Variants in AP3B1 observed in about 807,000 individuals in gnomAD.
AP3B1 encodes the protein AP-3 complex subunit beta-1.
A neutral mutation model predicts 132.5 loss-of-function variants in AP3B1; 61 were observed. That is an observed-to-expected ratio of 0.46 (90% CI 0.37 to 0.57). The LOEUF (loss-of-function observed/expected upper bound fraction) is 0.57. AP3B1 is among the 20% of genes least tolerant of loss of function. AP3B1 has a pLI of 0.00. For missense variants in AP3B1, 1,120 were observed against 1,289.4 expected (o/e 0.87, Z 2.01); for synonymous variants, 388 against 438.3 (o/e 0.89, Z 1.43).
At chr5:78,146,612 C>T (rs1324007100) in intron 14 of AP3B1, among the ~76,000 whole-genome samples, 1 of 152,080 alleles carries the variant, frequency 6.6e-6, no homozygotes, top group African/African-American at 2.4e-5. Context: ...CTTTTCAACT[C>T]ATATATATTT....
At chr5:78,057,503 T>C (rs1455343580) in intron 22 of AP3B1, among the ~76,000 whole-genome samples, 5 of 152,102 alleles carry the variant, frequency 3.3e-5, no homozygotes, top group African/African-American at 9.7e-5. Flanking sequence ...TTCAGAAAAG[T>C]GTCCCTTCAT....
chr5:78,032,534 C>T (rs1366890438), intron 24 of AP3B1, among the ~76,000 whole-genome samples: 1 of 152,122 alleles, frequency 6.6e-6, no homozygotes, highest in African/African-American at 2.4e-5. Flanking sequence ...TCCCTACCCC[C>T]ACAAGCATTA....
intron 22 of AP3B1, among the ~76,000 whole-genome samples, chr5:78,058,094 TA>T (rs1748890657): frequency 6.6e-6 from 1 of 152,242 alleles, no homozygotes; most frequent in South Asian, 2.1e-4. Flanking sequence ...TCTGTGCCTG[TA>T]ATTATATTTG....
chr5:78,283,902 C>A (rs1446291324), intron 1 of AP3B1, among the ~76,000 whole-genome samples: 1 of 152,150 alleles, frequency 6.6e-6, no homozygotes, highest in Non-Finnish European at 1.5e-5. Context: ...ATGATAAAAT[C>A]CTAATTTCTG....
chr5:78,251,299 G>A (rs567901869), intron 2 of AP3B1, among the ~76,000 whole-genome samples: 1 of 152,108 alleles, frequency 6.6e-6, no homozygotes, highest in Admixed American at 6.5e-5. Context: ...TCCACCAATC[G>A]TCCCCCCGAG....
intron 22 of AP3B1, chr5:78,087,629 T>C: frequency 2.0e-6 from 2 of 985,362 alleles, no homozygotes; most frequent in Non-Finnish European, 2.4e-6. Context: ...CAACTGGCGG[T>C]CATTTTTTGC....
intron 13 of AP3B1, among the ~76,000 whole-genome samples, chr5:78,156,581 C>T (rs187105789): frequency 1.3e-5 from 2 of 152,272 alleles, no homozygotes; most frequent in African/African-American, 2.4e-5. Context: ...ACCTCTGTTG[C>T]TGTCTCCTAG....
At chr5:78,271,208 G>C (rs1481203059) in intron 1 of AP3B1, among the ~76,000 whole-genome samples, 1 of 152,098 alleles carries the variant, frequency 6.6e-6, no homozygotes, top group Non-Finnish European at 1.5e-5. Context: ...GATCACCTGA[G>C]GTCGGGAGTT....
intron 17 of AP3B1, among the ~76,000 whole-genome samples, chr5:78,122,087 G>A (rs527782560): frequency 6.6e-6 from 1 of 152,080 alleles, no homozygotes; most frequent in Non-Finnish European, 1.5e-5. Flanking sequence ...CAGAACCAAA[G>A]ACAAAAACCA....
chr5:78,074,248 CATAGAA>C (rs1449868805), intron 22 of AP3B1, among the ~76,000 whole-genome samples: 1 of 151,868 alleles, frequency 6.6e-6, no homozygotes, highest in South Asian at 2.1e-4. Context: ...TCAGAAGTAG[CATAGAA>C]ATAGAAAGAT....
At chr5:78,278,363 G>GAACTATTACA (rs1487935362) in intron 1 of AP3B1, among the ~76,000 whole-genome samples, 8 of 139,954 alleles carry the variant, frequency 5.7e-5, no homozygotes, top group East Asian at 2.1e-4. Context: ...TCTTTGGGAG[G>GAACTATTACA]CCGAGGCGGG....
chr5:78,045,396 A>C (rs1324446735), intron 22 of AP3B1, among the ~76,000 whole-genome samples: 1 of 151,646 alleles, frequency 6.6e-6, no homozygotes, highest in Non-Finnish European at 1.5e-5. Context: ...AAAAAAAAAA[A>C]AAAACACAAA....
intron 13 of AP3B1, among the ~76,000 whole-genome samples, chr5:78,159,087 T>TA: frequency 6.6e-6 from 1 of 152,306 alleles, no homozygotes; most frequent in Admixed American, 6.5e-5. Context: ...TCATCAAACT[T>TA]ACACTCTAGC....
At chr5:78,052,857 G>A (rs991800703) in intron 22 of AP3B1, among the ~76,000 whole-genome samples, 1 of 152,208 alleles carries the variant, frequency 6.6e-6, no homozygotes, top group Admixed American at 6.5e-5. Flanking sequence ...CATGAATACT[G>A]ATATGTTATA....
intron 22 of AP3B1, among the ~76,000 whole-genome samples, chr5:78,062,864 G>A (rs1580299377): frequency 6.6e-6 from 1 of 152,320 alleles, no homozygotes; most frequent in East Asian, 1.9e-4. Flanking sequence ...GGTGCCGTAT[G>A]AGAGATGAGG....
chr5:78,207,680 G>A (rs1312876790), intron 7 of AP3B1, among the ~76,000 whole-genome samples: 1 of 151,948 alleles, frequency 6.6e-6, no homozygotes, highest in African/African-American at 2.4e-5. Context: ...AATTCTCAAA[G>A]ACTTTTTAAA....
intron 20 of AP3B1, among the ~76,000 whole-genome samples, chr5:78,109,076 A>C (rs1467989653): frequency 6.6e-6 from 1 of 152,126 alleles, no homozygotes; most frequent in Non-Finnish European, 1.5e-5. Flanking sequence ...AGTACATCAG[A>C]CTCACTAAGT....
chr5:78,013,747 C>T (rs1316128746), intron 26 of AP3B1, among the ~76,000 whole-genome samples: 1 of 152,150 alleles, frequency 6.6e-6, no homozygotes, highest in Non-Finnish European at 1.5e-5. Context: ...ACTCTTTTCC[C>T]TATTGAACAA....
At chr5:78,096,913 C>T (rs1405899131) in intron 21 of AP3B1, among the ~76,000 whole-genome samples, 2 of 147,222 alleles carry the variant, frequency 1.4e-5, no homozygotes, top group African/African-American at 5.0e-5. Context: ...CCCGGCCAGC[C>T]GCCCTGTCCG....
Sources: allele counts gnomAD v4.1 joint callset (sites outside exome capture counted in the v4.1 genomes callset), GRCh38; gene constraint gnomAD v4.1.1; transcripts MANE v1.5; gene names NCBI Gene and HGNC (gene_info 2026-07-23, HGNC 2026-07-21).